The following DLGAP1 variants were observed in gnomAD, a reference collection of about 807,000 sequenced individuals.
DLGAP1 encodes the protein disks large-associated protein 1.
DLGAP1 carries 11 observed loss-of-function variants against 90.8 expected under a neutral mutation model. The ratio of observed to expected loss-of-function variants is 0.12; its 90% CI spans 0.08 to 0.20. DLGAP1 has a LOEUF of 0.20. Among genes scored for constraint, DLGAP1 ranks in the 10% least tolerant of loss-of-function variants. DLGAP1 has a pLI of 1.00. For synonymous variants in DLGAP1, 558 were observed against 540.7 expected (o/e 1.03, Z -0.44); for missense variants, 1,050 against 1,333.8 (o/e 0.79, Z 3.31).
rs554179734 is a variant in DLGAP1, at chr18:4,250,930, A to C, written c.-266-99643T>G. On this transcript the variant is annotated intron_variant, in intron 1 of 12. Coordinates refer to ENST00000315677, the MANE Select transcript of DLGAP1 (RefSeq NM_004746.4). ...AGCTACTATATTCAATTAAAAAAAA[A>C]CCCCACAAAAAACAGCCACAAAAAT... Among the ~76,000 whole-genome samples, 106 of 152,166 alleles carry C rather than the reference A, an allele frequency of 7.0e-4. No individual in the cohort carries two copies. In the South Asian group the frequency reaches 0.02, roughly 29 times the overall value.
intron 4 of DLGAP1, among the ~76,000 whole-genome samples, chr18:3,816,407 A>G (rs2067109124): frequency 1.3e-5 from 2 of 152,216 alleles, no homozygotes; most frequent in Admixed American, 1.3e-4. Context: ...CTACTAAAAG[A>G]GCATAATTCT....
intron 2 of DLGAP1, among the ~76,000 whole-genome samples, chr18:4,035,257 G>C (rs1047946627): frequency 6.6e-6 from 1 of 152,118 alleles, no homozygotes; most frequent in African/African-American, 2.4e-5. Flanking sequence ...ACACAAGGGG[G>C]GACTGCTTGA....
At chr18:3,600,382 A>G (rs1346502966) in intron 7 of DLGAP1, among the ~76,000 whole-genome samples, 1 of 151,658 alleles carries the variant, frequency 6.6e-6, no homozygotes, top group African/African-American at 2.4e-5. Context: ...CAGCCTCCCG[A>G]GTAGTGCCAC....
intron 8 of DLGAP1, chr18:3,580,873 C>T (rs1440547795): frequency 9.5e-7 from 1 of 1,052,652 alleles, no homozygotes; most frequent in African/African-American, 1.6e-5. Context: ...GCCGGTTGTA[C>T]CCTGCAGTAG....
intron 7 of DLGAP1, among the ~76,000 whole-genome samples, chr18:3,726,050 G>C (rs1322339953): frequency 6.6e-6 from 1 of 152,234 alleles, no homozygotes; most frequent in Admixed American, 6.5e-5. Context: ...TTGCTGTGGA[G>C]AGAAGTTCTA....
intron 5 of DLGAP1, among the ~76,000 whole-genome samples, chr18:3,767,824 G>T (rs2064325568): frequency 6.6e-6 from 1 of 152,026 alleles, no homozygotes; most frequent in African/African-American, 2.4e-5. Flanking sequence ...TATACTTAAT[G>T]GTGAAAGACA....
At chr18:4,161,418 T>C (rs1327940799) in intron 1 of DLGAP1, among the ~76,000 whole-genome samples, 2 of 152,198 alleles carry the variant, frequency 1.3e-5, no homozygotes, top group Non-Finnish European at 2.9e-5. Context: ...GTAAAGGACA[T>C]GATCTCATTT....
chr18:3,609,533 G>C (rs996259010), intron 7 of DLGAP1, among the ~76,000 whole-genome samples: 11 of 152,184 alleles, frequency 7.2e-5, no homozygotes, highest in African/African-American at 2.4e-4. Context: ...ATCCTGACCT[G>C]CCAGTTACAA....
chr18:3,873,337 A>G (rs1285917244), intron 4 of DLGAP1, among the ~76,000 whole-genome samples: 2 of 152,164 alleles, frequency 1.3e-5, no homozygotes, highest in Non-Finnish European at 2.9e-5. Context: ...TCAGTGAAAA[A>G]CAGGGAGAAG....
intron 7 of DLGAP1, among the ~76,000 whole-genome samples, chr18:3,623,663 G>A (rs2146065179): frequency 6.6e-6 from 1 of 151,430 alleles, no homozygotes; most frequent in South Asian, 2.1e-4. Flanking sequence ...TGTAATCCCA[G>A]CTACTCAGGA....
intron 10 of DLGAP1, among the ~76,000 whole-genome samples, chr18:3,513,786 C>T (rs548782432): frequency 7.9e-4 from 121 of 152,296 alleles, no homozygotes; most frequent in Non-Finnish European, 1.3e-3. Context: ...TTGAAATCTC[C>T]TGACTACATT....
chr18:3,555,396 A>G (rs1403175183), intron 9 of DLGAP1, among the ~76,000 whole-genome samples: 2 of 152,058 alleles, frequency 1.3e-5, no homozygotes, highest in Non-Finnish European at 2.9e-5. Flanking sequence ...ACCATTCTAC[A>G]AACTTCAATA....
chr18:4,413,340 T>C (rs980081824), intron 1 of DLGAP1, among the ~76,000 whole-genome samples: 1 of 152,228 alleles, frequency 6.6e-6, no homozygotes, highest in Admixed American at 6.5e-5. Context: ...AGGTGGACTA[T>C]AGCACATGCA....
rs1398346130 is a variant in DLGAP1 at position 4,249,819 on chromosome 18, G to A, written c.-266-98532C>T. ...CCCCAGGCTGGTCTCAAACTCCTGG[G>A]CTTAAGTGATCCTCACGTCTCAGCC... is the stretch of plus-strand genomic sequence containing the variant. On this transcript the variant is annotated intron_variant, in intron 1 of 12. Coordinates refer to ENST00000315677, the MANE Select transcript of DLGAP1 (RefSeq NM_004746.4). 2.0e-5 allele frequency among the ~76,000 whole-genome samples: 3 copies of A among 152,160 alleles called. No homozygotes were observed. In the East Asian group the frequency reaches 5.8e-4, roughly 29 times the overall value.
intron 4 of DLGAP1, among the ~76,000 whole-genome samples, chr18:3,849,309 C>A (rs1451296426): frequency 6.6e-6 from 1 of 152,122 alleles, no homozygotes; most frequent in East Asian, 1.9e-4. Flanking sequence ...CTCTTAGTAT[C>A]TTCAAAGAGA....
intron 1 of DLGAP1, among the ~76,000 whole-genome samples, chr18:4,189,283 C>T (rs2077353004): frequency 1.3e-5 from 2 of 152,018 alleles, no homozygotes; most frequent in South Asian, 2.1e-4. Flanking sequence ...TTAGGTCCTT[C>T]CCAGATGTTG....
chr18:4,424,859 A>C (rs1385814246), intron 1 of DLGAP1, among the ~76,000 whole-genome samples: 1 of 152,148 alleles, frequency 6.6e-6, no homozygotes, highest in African/African-American at 2.4e-5. Context: ...ACTTCACAAA[A>C]CCAATTTATT....
At chr18:4,409,505 TAGTG>T (rs1567899389) in intron 1 of DLGAP1, among the ~76,000 whole-genome samples, 2 of 152,170 alleles carry the variant, frequency 1.3e-5, no homozygotes, top group Admixed American at 6.5e-5. Flanking sequence ...TTTCTGAAGA[TAGTG>T]AGGGATATAA....
chr18:3,990,695 T>C (rs576064078), intron 3 of DLGAP1, among the ~76,000 whole-genome samples: 1 of 150,344 alleles, frequency 6.7e-6, no homozygotes, highest in Non-Finnish European at 1.5e-5. Context: ...GAGTTTTGGT[T>C]GAGTATTAAA....
Sources: gnomAD v4.1 joint callset for allele counts (sites outside exome capture counted in the v4.1 genomes callset) on GRCh38, gnomAD v4.1.1 for gene constraint, MANE v1.5 for transcripts, NCBI Gene and HGNC (gene_info 2026-07-23, HGNC 2026-07-21) for gene names.